Variants in CELF4 observed in about 807,000 individuals in gnomAD.
The protein encoded by CELF4 is CUGBP Elav-like family member 4.
In CELF4, 18 loss-of-function variants were observed where a neutral mutation model predicts 59.9. The observed-to-expected ratio is 0.30, with a 90% CI of 0.21 to 0.45. The LOEUF is 0.45. Ranked by LOEUF, CELF4 falls within the 20% of genes least tolerant of loss-of-function variation. The pLI, the probability that CELF4 is intolerant of heterozygous loss-of-function variation, is 1.00. For synonymous variants in CELF4, 261 were observed against 267.1 expected (o/e 0.98, Z 0.22); for missense variants, 456 against 689.0 (o/e 0.66, Z 3.79).
chr18:37,317,296 A>G (rs980650069), intron 3 of CELF4, among the ~76,000 whole-genome samples: 1 of 152,236 alleles, frequency 6.6e-6, no homozygotes, highest in African/African-American at 2.4e-5. Flanking sequence ...CTGAGGCAGG[A>G]GAATCACTTG....
At chr18:37,367,993 G>A (rs1281151943) in intron 2 of CELF4, among the ~76,000 whole-genome samples, 2 of 152,060 alleles carry the variant, frequency 1.3e-5, no homozygotes, top group Non-Finnish European at 2.9e-5. Context: ...AGGCGGCATG[G>A]TGCGGTGCAG....
chr18:37,442,839 G>A (rs528853759), intron 2 of CELF4, among the ~76,000 whole-genome samples: 1 of 152,238 alleles, frequency 6.6e-6, no homozygotes, highest in South Asian at 2.1e-4. Context: ...ATCTGGGCAG[G>A]GCTCCATAAT....
At chr18:37,441,460 C>A (rs2099721444) in intron 2 of CELF4, among the ~76,000 whole-genome samples, 1 of 152,034 alleles carries the variant, frequency 6.6e-6, no homozygotes, top group African/African-American at 2.4e-5. Flanking sequence ...AAAAACAAAC[C>A]AGGAGTTTCA....
chr18:37,263,840 C>A (rs1031028585), intron 10 of CELF4, among the ~76,000 whole-genome samples: 1 of 152,126 alleles, frequency 6.6e-6, no homozygotes, highest in Non-Finnish European at 1.5e-5. Context: ...GGAGCTCCAC[C>A]TGCCTCTCCT....
chr18:37,499,875 T>G (rs554973244), intron 1 of CELF4, among the ~76,000 whole-genome samples: 1 of 152,168 alleles, frequency 6.6e-6, no homozygotes, highest in Non-Finnish European at 1.5e-5. Context: ...GACTCATCAA[T>G]GAATGAATGA....
rs553766754 is a variant in CELF4, at chr18:37,478,591, A to C, written c.369+6934T>G. Among the ~76,000 whole-genome samples the C allele has an allele frequency of 3.3e-5, 5 of 152,152 alleles. No individual in the cohort carries two copies. In the East Asian group the frequency reaches 9.7e-4, roughly 29 times the overall value. On this transcript the variant is annotated intron_variant, in intron 2 of 12. Transcript: ENST00000420428. ...GGAGAAAGTGGGCCGTCTAGGAGGG[A>C]AGACTGTGGGCACAGCCCCAGGGAG... is the stretch of plus-strand genomic sequence containing the variant.
At chr18:37,416,337 C>T (rs1410635576) in intron 2 of CELF4, among the ~76,000 whole-genome samples, 4 of 152,176 alleles carry the variant, frequency 2.6e-5, no homozygotes, top group Non-Finnish European at 5.9e-5. Context: ...CCATGCAGAT[C>T]CTCCCCCTGT....
At chr18:37,323,140 C>G (rs1306947502) in intron 2 of CELF4, among the ~76,000 whole-genome samples, 1 of 152,022 alleles carries the variant, frequency 6.6e-6, no homozygotes, top group Non-Finnish European at 1.5e-5. Context: ...GCCTGTGACT[C>G]AGCAAGGTGA....
chr18:37,274,514 G>C (rs765349928), intron 5 of CELF4, 60 bp from the exon 6 acceptor site: 2 of 1,607,448 alleles, frequency 1.2e-6, no homozygotes, highest in South Asian at 2.2e-5. Context: ...GCAGCTGTCG[G>C]TGCCTCTGGC....
intron 2 of CELF4, among the ~76,000 whole-genome samples, chr18:37,373,756 T>C (rs1426776180): frequency 6.6e-6 from 1 of 152,072 alleles, no homozygotes; most frequent in African/African-American, 2.4e-5. Flanking sequence ...AGGGAGGCTG[T>C]CCAGGCAGGG....
intron 2 of CELF4, among the ~76,000 whole-genome samples, chr18:37,353,915 C>A (rs1204850349): frequency 6.6e-6 from 1 of 151,862 alleles, no homozygotes; most frequent in Non-Finnish European, 1.5e-5. Flanking sequence ...CACCACACGC[C>A]CAGCTAATTT....
chr18:37,313,630 C>T (rs573454579), intron 3 of CELF4, among the ~76,000 whole-genome samples: 2 of 152,358 alleles, frequency 1.3e-5, no homozygotes, highest in African/African-American at 2.4e-5. Context: ...ACGCTGCCCC[C>T]ACCCAGGCCC....
Position 37,274,314 on chromosome 18 carries a change from C to A in CELF4, c.798G>T (p.Gln266His). ...GCCCGTGCGCGCTGCCACTTACTGC[C>A]TGAGCGTAGGCGCCGTAGGCCCCGA... Reference protein sequence around the residue: ...IPFGAYGAYAQALMQQQAALM... With the variant: ...IPFGAYGAYAHALMQQQAALM... Residue 266 changes from glutamine to histidine, a missense_variant, in exon 6 of 13, where the codon CAG (glutamine) becomes CAT (histidine). This residue lies in a region of CELF4 where 256 missense variants were observed against 340.8 expected (regional missense o/e 0.75). Transcript: ENST00000420428. The A allele has an allele frequency of 6.2e-7, 1 of 1,612,362 alleles. No individual in the cohort carries two copies. The highest frequency in any genetic ancestry group is 1.3e-5 in the African/African-American group (1 of 74,952).
chr18:37,546,946 C>G (rs1259139218), intron 1 of CELF4, among the ~76,000 whole-genome samples: 1 of 152,172 alleles, frequency 6.6e-6, no homozygotes, highest in Non-Finnish European at 1.5e-5. Flanking sequence ...GCACATGTAG[C>G]TCAAGTCAGT....
chr18:37,410,974 T>C (rs1326657676), intron 2 of CELF4, among the ~76,000 whole-genome samples: 1 of 152,190 alleles, frequency 6.6e-6, no homozygotes, highest in East Asian at 1.9e-4. Flanking sequence ...AGAGTTTTTT[T>C]GAGACGAGGT....
intron 8 of CELF4, among the ~76,000 whole-genome samples, chr18:37,269,152 AC>A (rs1456003329): frequency 9.9e-5 from 15 of 151,836 alleles, no homozygotes; most frequent in African/African-American, 3.4e-4. Context: ...GATCTCTTCC[AC>A]CCCCAGCTTG....
chr18:37,364,455 G>C (rs2098750024), intron 2 of CELF4, among the ~76,000 whole-genome samples: 1 of 152,200 alleles, frequency 6.6e-6, no homozygotes, highest in Admixed American at 6.5e-5. Flanking sequence ...AGACAGCATG[G>C]AACACAAGGA....
At chr18:37,339,995 G>A (rs1278611109) in intron 2 of CELF4, among the ~76,000 whole-genome samples, 2 of 152,138 alleles carry the variant, frequency 1.3e-5, no homozygotes, top group East Asian at 1.9e-4. Context: ...TGCCATCAGC[G>A]CATTAATCCT....
chr18:37,254,575 G>C lies in CELF4; in HGVS notation c.1334-637C>G, dbSNP rs1015795213. On this transcript the variant is annotated intron_variant, in intron 11 of 12. Coordinates refer to ENST00000420428, the MANE Select transcript of CELF4 (RefSeq NM_020180.4). This position sits in a 1 kb window ranked among gnomAD's most constrained non-coding sequence, Gnocchi z 5.1. Reference sequence around the variant, plus strand: ...CCCCGCCAGGCTCCGGGTGGGCCCTGGGCGTCACCTCGCCCCGGGCGCCGT... The same window carrying C: ...CCCCGCCAGGCTCCGGGTGGGCCCTCGGCGTCACCTCGCCCCGGGCGCCGT... 2.7e-4 allele frequency among the ~76,000 whole-genome samples: 41 copies of C among 152,250 alleles called. No individual in the cohort carries two copies. The highest frequency in any genetic ancestry group is 2.4e-3 in the Admixed American group (36 of 15,306).
Sources: allele counts gnomAD v4.1 joint callset (sites outside exome capture counted in the v4.1 genomes callset), GRCh38; gene constraint gnomAD v4.1.1; regional missense constraint gnomAD v4.1.1; non-coding constraint Gnocchi (gnomAD v3.1); transcripts MANE v1.5; gene names NCBI Gene and HGNC (gene_info 2026-07-23, HGNC 2026-07-21).